PTPN13: variants seen among roughly 807,000 people sequenced by gnomAD.
PTPN13 encodes tyrosine-protein phosphatase non-receptor type 13.
PTPN13 carries 191 observed loss-of-function variants against 284.0 expected under a neutral mutation model. That is an observed-to-expected ratio of 0.67 (90% CI 0.60 to 0.76). The LOEUF (loss-of-function observed/expected upper bound fraction) is 0.76, where lower values mean the gene tolerates loss of function less well. PTPN13 is among the 30% of genes least tolerant of loss of function. The pLI is 0.00. For missense variants in PTPN13, 2,797 were observed against 2,939.9 expected, an observed-to-expected ratio of 0.95 and a Z score of 1.12; for synonymous variants, 986 against 1,022.3, an observed-to-expected ratio of 0.96 and a Z score of 0.68.
chr4:86,735,713 T>C lies in PTPN13; in HGVS notation c.2271T>C (p.Ala757=). ...AATTGCATAATACCTATGTGGGAGC[T>C]TCTGAAAAAGAGACAGAGTTAGAAT... The part of the protein sequence containing the change: ...LPKLHNTYVG[A]SEKETELEFL... Residue 757 remains alanine, a synonymous_variant, in exon 15 of 48, where the codon GCT becomes GCC. Coordinates refer to ENST00000411767, the MANE Select transcript of PTPN13 (RefSeq NM_080683.3). 6.2e-7 allele frequency: 1 copy of C among 1,610,980 alleles called. No individual in the cohort carries two copies. The highest frequency in any genetic ancestry group is 1.7e-5 in the Admixed American group (1 of 59,306).
At chr4:86,783,906 A>G (rs186474690) in intron 37 of PTPN13, among the ~76,000 whole-genome samples, 296 of 151,984 alleles carry the variant, frequency 1.9e-3, no homozygotes, top group African/African-American at 6.9e-3. Context: ...TGAATTCATT[A>G]TTTTTCTTAA....
intron 2 of PTPN13, among the ~76,000 whole-genome samples, chr4:86,643,458 T>G (rs1391397972): frequency 6.6e-6 from 1 of 152,126 alleles, no homozygotes; most frequent in Non-Finnish European, 1.5e-5. Flanking sequence ...AAATATCAAA[T>G]TTCACTCCTA....
intron 1 of PTPN13, among the ~76,000 whole-genome samples, chr4:86,610,202 C>T (rs1004874889): frequency 1.1e-4 from 16 of 152,016 alleles, no homozygotes; most frequent in Admixed American, 4.6e-4. Context: ...GACAGCAAAA[C>T]TCCATCTCAA....
chr4:86,724,980 C>G (rs983793195), intron 10 of PTPN13, among the ~76,000 whole-genome samples: 4 of 150,960 alleles, frequency 2.6e-5, no homozygotes, highest in South Asian at 4.3e-4. Flanking sequence ...CCCCCACCCC[C>G]CAACAGAACT....
rs141562925 is a variant in PTPN13 at position 86,662,101 on chromosome 4, T to C, written c.116-10264T>C. Among the ~76,000 whole-genome samples, 890 of 152,336 alleles carry C rather than the reference T, an allele frequency of 5.8e-3. 7 individuals carry two copies. Among genetic ancestry groups the C allele is most frequent in the African/African-American group, 0.019 (794 of 41,576 alleles). ...GTTTATTTTGTCTGGCAAAATGTAATGTGGCAGCTGTAAAATCTACAGAGG... is the reference window on the plus strand; with the variant it reads ...GTTTATTTTGTCTGGCAAAATGTAACGTGGCAGCTGTAAAATCTACAGAGG... On this transcript the variant is annotated intron_variant, in intron 2 of 47. Coordinates refer to ENST00000411767, the MANE Select transcript of PTPN13 (RefSeq NM_080683.3).
intron 40 of PTPN13, among the ~76,000 whole-genome samples, chr4:86,792,797 A>T (rs1742838519): frequency 6.6e-6 from 1 of 152,252 alleles, no homozygotes; most frequent in Non-Finnish European, 1.5e-5. Context: ...TCCTTTGCAG[A>T]CAAGCAAATG....
chr4:86,808,018 C>CATTG, intron 45 of PTPN13, 121 bp downstream of exon 45: 14 of 839,072 alleles, frequency 1.7e-5, no homozygotes, highest in East Asian at 2.7e-5. Flanking sequence ...TTCCTAGTTC[C>CATTG]CATGCAATGG....
intron 15 of PTPN13, among the ~76,000 whole-genome samples, chr4:86,737,913 A>G (rs1735715852): frequency 6.6e-6 from 1 of 152,092 alleles, no homozygotes; most frequent in African/African-American, 2.4e-5. Context: ...TATTTTTAGC[A>G]GAGACATGGT....
intron 1 of PTPN13, among the ~76,000 whole-genome samples, chr4:86,616,454 G>T (rs1720552170): frequency 6.6e-6 from 1 of 151,284 alleles, no homozygotes; most frequent in African/African-American, 2.4e-5. Context: ...ATATAGTTTA[G>T]ATGTTTGTCC....
chr4:86,651,304 A>T (rs1725046984), intron 2 of PTPN13, among the ~76,000 whole-genome samples: 1 of 152,106 alleles, frequency 6.6e-6, no homozygotes, highest in Non-Finnish European at 1.5e-5. Flanking sequence ...TGCATTGTTT[A>T]ATTCAGATTG....
chr4:86,714,547 A>G (rs1372421359), intron 7 of PTPN13, among the ~76,000 whole-genome samples: 3 of 151,968 alleles, frequency 2.0e-5, no homozygotes, highest in Non-Finnish European at 2.9e-5. Flanking sequence ...GGGGGGGAAA[A>G]TCTATTTTTT....
chr4:86,785,874 T>C lies in PTPN13; in HGVS notation c.6283T>C (p.Ser2095Pro), dbSNP rs1741841138. Reference protein sequence around the residue: ...PGTLKMNGKLSEERTEDTDCD... With the variant: ...PGTLKMNGKLPEERTEDTDCD... ...TACATTAAAGATGAATGGGAAGTTA[T>C]CAGAAGAGAGAACAGAAGATACAGA... Residue 2095 changes from serine to proline, a missense_variant, in exon 40 of 48, where the codon TCA (serine) becomes CCA (proline). By Grantham distance (74) the Ser-to-Pro change is moderately conservative (BLOSUM62 -1). Transcript: ENST00000411767. The C allele has an allele frequency of 1.9e-6, 3 of 1,567,252 alleles. No individual in the cohort carries two copies. Among genetic ancestry groups the C allele is most frequent in the Admixed American group, 1.9e-5 (1 of 53,586 alleles).
chr4:86,708,807 G>C (rs577982812), intron 7 of PTPN13, among the ~76,000 whole-genome samples: 1 of 151,976 alleles, frequency 6.6e-6, no homozygotes, highest in South Asian at 2.1e-4. Flanking sequence ...TCCATCACCT[G>C]AACAGGATAA....
intron 20 of PTPN13, among the ~76,000 whole-genome samples, chr4:86,755,391 A>G (rs995359844): frequency 6.7e-6 from 1 of 148,748 alleles, no homozygotes; most frequent in Admixed American, 6.8e-5. Flanking sequence ...TTTCCTTTGT[A>G]AGAGTAAAAA....
At chr4:86,734,565 A>G in intron 13 of PTPN13, 109 bp downstream of exon 13, 1 of 1,279,176 alleles carries the variant, frequency 7.8e-7, no homozygotes, top group Non-Finnish European at 1.1e-6. Flanking sequence ...TGTCTGCTTT[A>G]TCATAAAAGT....
chr4:86,699,857 T>A (rs1231393284), intron 6 of PTPN13, among the ~76,000 whole-genome samples: 1 of 152,204 alleles, frequency 6.6e-6, no homozygotes, highest in Non-Finnish European at 1.5e-5. Context: ...TGTTTAAGAA[T>A]ATAACATCCC....
chr4:86,772,791 C>T lies in PTPN13; in HGVS notation c.5182C>T (p.Leu1728=). The T allele has an allele frequency of 1.9e-6, 3 of 1,604,774 alleles. No individual in the cohort carries two copies. The highest frequency in any genetic ancestry group is 1.3e-5 in the African/African-American group (1 of 74,534). ...PEFEDSNPSP[L]PPDMAPGQSY... is the part of the protein sequence containing the mutation. ...TTGTCTCTGTAGTAATCCTTCCCCT[C>T]TACCACCGGATATGGCTCCTGGGCA... The change falls in exon 32 of 48, where the codon CTA becomes TTA. Residue 1728 remains leucine, a synonymous_variant. Transcript: ENST00000411767.
intron 10 of PTPN13, among the ~76,000 whole-genome samples, chr4:86,728,643 C>CTTTTTTT (rs57773658): frequency 2.0e-4 from 5 of 24,506 alleles, no homozygotes; most frequent in African/African-American, 4.5e-4. Context: ...CAACCCCTGC[C>CTTTTTTT]TTTTTTTTTT....
At chr4:86,714,262 A>C (rs1732751505) in intron 7 of PTPN13, among the ~76,000 whole-genome samples, 2 of 152,118 alleles carry the variant, frequency 1.3e-5, no homozygotes, top group Admixed American at 1.3e-4. Context: ...GAGGTGATTG[A>C]CTTTTTATTT....
Sources: gnomAD v4.1 joint callset for allele counts (sites outside exome capture counted in the v4.1 genomes callset) on GRCh38, gnomAD v4.1.1 for gene constraint, MANE v1.5 for transcripts, NCBI Gene and HGNC (gene_info 2026-07-23, HGNC 2026-07-21) for gene names.